Variants in SYN3 observed in about 807,000 individuals in gnomAD.
SYN3 encodes the protein synapsin III.
A neutral mutation model predicts 65.8 loss-of-function variants in SYN3; 35 were observed. The observed-to-expected ratio is 0.53, with a 90% CI of 0.41 to 0.70. SYN3 has a LOEUF of 0.70. SYN3 is among the 30% of genes least tolerant of loss of function. The pLI, the probability that SYN3 is intolerant of heterozygous loss-of-function variation, is 0.00. For missense variants in SYN3, 680 were observed against 749.0 expected (o/e 0.91, Z 1.08); for synonymous variants, 270 against 292.9 (o/e 0.92, Z 0.80).
At chr22:32,584,785 G>A (rs2058999369) in intron 7 of SYN3, among the ~76,000 whole-genome samples, 1 of 152,150 alleles carries the variant, frequency 6.6e-6, no homozygotes, top group African/African-American at 2.4e-5. Context: ...TGAAATGAAT[G>A]TTCTTGGTTT....
intron 6 of SYN3, among the ~76,000 whole-genome samples, chr22:32,673,667 G>A (rs2060402383): frequency 1.3e-5 from 2 of 152,338 alleles, no homozygotes; most frequent in South Asian, 4.1e-4. Flanking sequence ...GTTCAAAGAT[G>A]AGTTGGGCTT....
chr22:32,569,557 C>CTATATATATATATATATA (rs1401047566), intron 7 of SYN3, among the ~76,000 whole-genome samples: 2 of 76,592 alleles, frequency 2.6e-5, no homozygotes, highest in African/African-American at 8.7e-5. Flanking sequence ...CTCTCTCTCT[C>CTATATATATATATATATA]TCTCTCTCTC....
rs964905468 is a variant in SYN3, at chr22:32,541,421, C to T, written c.917+150G>A. ...GGATAAGCAGTGACTGGACATCAGC[C>T]CCTCAGCCACACTGGACAGAGAAGA... is the stretch of plus-strand genomic sequence containing the variant. On this transcript the variant is annotated intron_variant, in intron 8 of 13. Coordinates refer to ENST00000358763, the MANE Select transcript of SYN3 (RefSeq NM_003490.4). The T allele has an allele frequency of 1.4e-5, 14 of 979,630 alleles. No individual in the cohort carries two copies. The African/African-American group carries it at 2.1e-4, about 15-fold the overall frequency. The allele number at this position is 979,630 out of a possible 1,614,324, so 60.7% of individuals were successfully genotyped here.
In SYN3 at chr22:32,533,787, C is replaced by T; in HGVS notation, c.1095+6G>A. ...AGCCAGGAGGACTCCCTGCTTCATC[C>T]CTCACCTCGATGATGTAATCTCTGC... On this transcript the variant is annotated splice_donor_region_variant and intron_variant, in intron 10 of 13. Coordinates refer to ENST00000358763, the MANE Select transcript of SYN3 (RefSeq NM_003490.4). 1 of 1,606,988 alleles carries T rather than the reference C, an allele frequency of 6.2e-7. No homozygotes were observed. The highest frequency in any genetic ancestry group is 8.5e-7 in the Non-Finnish European group (1 of 1,174,072).
intron 4 of SYN3, among the ~76,000 whole-genome samples, chr22:32,908,201 T>A (rs1274329902): frequency 6.6e-6 from 1 of 151,994 alleles, no homozygotes; most frequent in Admixed American, 6.6e-5. Flanking sequence ...TTGTCCTGAC[T>A]CAGCCTCCTG....
rs1325764012 is a variant in SYN3 at position 32,554,243 on chromosome 22, T to C, written c.775-12530A>G. Among the ~76,000 whole-genome samples the C allele has an allele frequency of 5.3e-5, 8 of 152,224 alleles. No individual in the cohort carries two copies. The South Asian group carries it at 1.5e-3, about 28-fold the overall frequency. ...TGCTGCTTGGAACAATTTTCCTGAATATTGTCTGTGGCTGGTTGCTTCAGG... is the reference window on the plus strand; with the variant it reads ...TGCTGCTTGGAACAATTTTCCTGAACATTGTCTGTGGCTGGTTGCTTCAGG... On this transcript the variant is annotated intron_variant, in intron 7 of 13. Transcript: ENST00000358763.
Position 32,518,252 on chromosome 22 carries a change from C to A in SYN3, c.1401G>T (p.Gln467His). The change falls in exon 13 of 14, where the codon CAG becomes CAT. Residue 467 changes from glutamine (Q) to histidine (H), a missense_variant. Coordinates refer to ENST00000358763, the MANE Select transcript of SYN3 (RefSeq NM_003490.4). Reference protein sequence around the residue: ...SQQRLSPQGQQPLSPQSGSPQ... With the variant: ...SQQRLSPQGQHPLSPQSGSPQ... ...GAGATCCGGACTGGGGGCTCAGGGG[C>A]TGCTGGCCTTGTGGGGAGAGCCTCT... 6.2e-7 allele frequency: 1 copy of A among 1,613,192 alleles called. No individual in the cohort carries two copies. The highest frequency in any genetic ancestry group is 1.3e-5 in the African/African-American group (1 of 74,918).
chr22:32,623,471 C>T (rs1956922001), intron 6 of SYN3, among the ~76,000 whole-genome samples: 1 of 152,212 alleles, frequency 6.6e-6, no homozygotes, highest in African/African-American at 2.4e-5. Flanking sequence ...ACTGGGATTA[C>T]AGGTATGAGC....
chr22:32,850,738 T>C (rs1159622223), intron 6 of SYN3, among the ~76,000 whole-genome samples: 1 of 152,152 alleles, frequency 6.6e-6, no homozygotes, highest in Non-Finnish European at 1.5e-5. Context: ...GGGTAGGACC[T>C]GGCATGCAAA....
intron 6 of SYN3, among the ~76,000 whole-genome samples, chr22:32,624,950 C>T (rs1448226502): frequency 2.0e-5 from 3 of 152,194 alleles, no homozygotes; most frequent in Non-Finnish European, 4.4e-5. Flanking sequence ...CTTCTGCCTA[C>T]CCTCTAGGTC....
intron 6 of SYN3, among the ~76,000 whole-genome samples, chr22:32,781,067 C>A (rs7510597): frequency 1.4e-5 from 1 of 69,652 alleles, no homozygotes; most frequent in East Asian, 8.2e-4. Flanking sequence ...CTCCCTTCCT[C>A]CCTCCCTCCC....
chr22:32,818,512 G>T (rs973255948), intron 6 of SYN3, among the ~76,000 whole-genome samples: 3 of 152,188 alleles, frequency 2.0e-5, no homozygotes, highest in African/African-American at 7.2e-5. Flanking sequence ...GAAGTCTTGG[G>T]TTCTCAAGTA....
At chr22:32,514,083 G>A (rs142236008) in intron 13 of SYN3, among the ~76,000 whole-genome samples, 1 of 152,202 alleles carries the variant, frequency 6.6e-6, no homozygotes, top group East Asian at 1.9e-4. Flanking sequence ...CTCACAGCAA[G>A]TAATGGGGGA....
chr22:32,569,265 A>ATCTATCTATCTGTCTG (rs1555898438), intron 7 of SYN3, among the ~76,000 whole-genome samples: 23 of 140,304 alleles, frequency 1.6e-4, no homozygotes, highest in African/African-American at 5.9e-4. Context: ...AAATCTATCT[A>ATCTATCTATCTGTCTG]TCTATCTATC....
At chr22:32,738,474 C>T (rs2061361818) in intron 6 of SYN3, among the ~76,000 whole-genome samples, 1 of 152,224 alleles carries the variant, frequency 6.6e-6, no homozygotes, top group African/African-American at 2.4e-5. Flanking sequence ...GATGAAGCTC[C>T]TGCTGCATGA....
intron 6 of SYN3, among the ~76,000 whole-genome samples, chr22:32,798,677 T>C (rs1049927880): frequency 1.4e-5 from 2 of 144,494 alleles, no homozygotes; most frequent in South Asian, 4.4e-4. Context: ...AGAGCCTGCA[T>C]CTTCATTCTT....
intron 4 of SYN3, among the ~76,000 whole-genome samples, chr22:32,916,269 A>C (rs2050183373): frequency 6.6e-6 from 1 of 152,246 alleles, no homozygotes; most frequent in African/African-American, 2.4e-5. Flanking sequence ...CACCCAGCTA[A>C]GCCCTGCCCA....
At chr22:32,629,232 C>G (rs1440707053) in intron 6 of SYN3, among the ~76,000 whole-genome samples, 2 of 152,138 alleles carry the variant, frequency 1.3e-5, no homozygotes. Context: ...GCTTCCCCAT[C>G]CTCTAGGAAT....
intron 7 of SYN3, among the ~76,000 whole-genome samples, chr22:32,570,152 C>T (rs1416341548): frequency 6.6e-6 from 1 of 152,086 alleles, no homozygotes; most frequent in African/African-American, 2.4e-5. Context: ...AACCAACCTC[C>T]CTCCACACAC....
Sources: gnomAD v4.1 joint callset for allele counts (sites outside exome capture counted in the v4.1 genomes callset) on GRCh38, gnomAD v4.1.1 for gene constraint, MANE v1.5 for transcripts, NCBI Gene and HGNC (gene_info 2026-07-23, HGNC 2026-07-21) for gene names.